The following DOCK5 variants were observed in gnomAD, a reference collection of about 807,000 sequenced individuals.
The protein encoded by DOCK5 is dedicator of cytokinesis protein 5.
A neutral mutation model predicts 251.8 loss-of-function variants in DOCK5; 142 were observed. That is an observed-to-expected ratio of 0.56 (90% confidence interval 0.49 to 0.65). The LOEUF (loss-of-function observed/expected upper bound fraction) is 0.65. Among genes scored for constraint, DOCK5 ranks in the 30% least tolerant of loss-of-function variants. The probability of loss-of-function intolerance (pLI) is 0.00; values close to 1 mark genes in which losing one functional copy is unlikely to be tolerated. For missense variants in DOCK5, 2,111 were observed against 2,312.3 expected, an observed-to-expected ratio of 0.91 and a Z score of 1.79; for synonymous variants, 842 against 835.5, an observed-to-expected ratio of 1.01 and a Z score of -0.13.
chr8:25,199,804 G>A (rs935441933), intron 1 of DOCK5, among the ~76,000 whole-genome samples: 17 of 151,938 alleles, frequency 1.1e-4, no homozygotes, highest in Admixed American at 9.8e-4. Context: ...CCTGAAATGG[G>A]GCAATATCTA....
intron 13 of DOCK5, 125 bp downstream of exon 13, chr8:25,310,657 G>A: frequency 8.7e-7 from 1 of 1,153,894 alleles, no homozygotes; most frequent in Non-Finnish European, 1.2e-6. Flanking sequence ...TGAGACACCT[G>A]GGACACAAAC....
intron 3 of DOCK5, among the ~76,000 whole-genome samples, chr8:25,272,772 CATT>C (rs1289692621): frequency 2.0e-5 from 3 of 152,144 alleles, no homozygotes; most frequent in African/African-American, 7.2e-5. Flanking sequence ...AGTACATTCT[CATT>C]GTTGTGCAAC....
chr8:25,314,628 C>T (rs1434083064), intron 13 of DOCK5, among the ~76,000 whole-genome samples: 3 of 140,010 alleles, frequency 2.1e-5, no homozygotes, highest in Non-Finnish European at 4.6e-5. Context: ...CCCATCCAAC[C>T]GTCCACCTAT....
Position 25,380,304 on chromosome 8 carries a change from G to A in DOCK5, c.3937-1G>A. ...TTAACCTTACTTTCCTTTTTCTGAA[G>A]ATGTGGGAGAAGGCCATCAAGCTGA... is the stretch of plus-strand genomic sequence containing the variant. On this transcript the variant is annotated splice_acceptor_variant, in intron 38 of 51. Transcript: ENST00000276440. LOFTEE classifies it high-confidence loss of function. 1 of 1,609,368 alleles carries A rather than the reference G, an allele frequency of 6.2e-7. No homozygotes were observed. Among genetic ancestry groups the A allele is most frequent in the Non-Finnish European group, 8.5e-7 (1 of 1,177,700 alleles).
chr8:25,276,138 G>T (rs1804039303), intron 4 of DOCK5, among the ~76,000 whole-genome samples: 2 of 152,128 alleles, frequency 1.3e-5, no homozygotes, highest in Admixed American at 1.3e-4. Flanking sequence ...CCCAATTCAG[G>T]ATCCTTGAGA....
chr8:25,220,532 C>G (rs1802357632), intron 1 of DOCK5, among the ~76,000 whole-genome samples: 1 of 144,410 alleles, frequency 6.9e-6, no homozygotes, highest in Non-Finnish European at 1.5e-5. Flanking sequence ...GGGGTCACAG[C>G]ACGTTTCATG....
At chr8:25,188,268 C>T (rs910896366) in intron 1 of DOCK5, among the ~76,000 whole-genome samples, 10 of 152,196 alleles carry the variant, frequency 6.6e-5, no homozygotes, top group Non-Finnish European at 1.5e-4. Flanking sequence ...GCTGAGAAAA[C>T]AAGGAAGCAT....
At chr8:25,277,663 C>T (rs1332790334) in intron 4 of DOCK5, among the ~76,000 whole-genome samples, 30 of 152,188 alleles carry the variant, frequency 2.0e-4, no homozygotes, top group Admixed American at 2.0e-3. Context: ...TCCACTGCCA[C>T]CCACCATGTT....
chr8:25,205,232 TC>T, intron 1 of DOCK5, among the ~76,000 whole-genome samples: 1 of 152,094 alleles, frequency 6.6e-6, no homozygotes, highest in South Asian at 2.1e-4. Context: ...TCCCTCTCTC[TC>T]GCTCTTGCTG....
At chr8:25,314,744 T>TCCAG (rs1269677093) in intron 13 of DOCK5, among the ~76,000 whole-genome samples, 1 of 47,102 alleles carries the variant, frequency 2.1e-5, no homozygotes, top group Non-Finnish European at 4.2e-5. Context: ...CATCCCTCCC[T>TCCAG]CCACCCACCC....
chr8:25,396,541 C>T (rs116738184), intron 45 of DOCK5, among the ~76,000 whole-genome samples: 3,786 of 152,298 alleles, frequency 0.025, 178 homozygotes, highest in African/African-American at 0.086. Context: ...ATTTAAAATA[C>T]ACATCATGCA....
chr8:25,349,432 G>A lies in DOCK5; in HGVS notation c.2755-2299G>A, dbSNP rs561711129. ...TCCACTCCTGGGCATCTACCCAAAG[G>A]AAAATAAGTCATTATATGAAAAAGA... is the stretch of plus-strand genomic sequence containing the variant. On this transcript the variant is annotated intron_variant, in intron 26 of 51. Transcript: ENST00000276440. Among the ~76,000 whole-genome samples, 14 of 152,254 alleles carry A rather than the reference G, an allele frequency of 9.2e-5. No homozygotes were observed. The South Asian group carries it at 2.9e-3, about 32-fold the overall frequency.
rs563848224 is a variant in DOCK5 at position 25,345,177 on chromosome 8, C to T, written c.2618-298C>T. On this transcript the variant is annotated intron_variant, in intron 25 of 51. Coordinates refer to ENST00000276440, the MANE Select transcript of DOCK5 (RefSeq NM_024940.8). ...CCCTCAATTTCGTGCATTAGGTTGGCGTTTTGAAAAGCTAGAGAAATTGTT... is the reference window on the plus strand; with the variant it reads ...CCCTCAATTTCGTGCATTAGGTTGGTGTTTTGAAAAGCTAGAGAAATTGTT... Among the ~76,000 whole-genome samples, 49 of 151,606 alleles carry T rather than the reference C, an allele frequency of 3.2e-4. 1 individual carries two copies. Among genetic ancestry groups the T allele is most frequent in the Non-Finnish European group, 5.4e-4 (37 of 67,994 alleles).
chr8:25,214,055 G>A (rs550275555), intron 1 of DOCK5, among the ~76,000 whole-genome samples: 2 of 152,258 alleles, frequency 1.3e-5, no homozygotes, highest in African/African-American at 4.8e-5. Context: ...AGGTAATTTT[G>A]TACAATTATT....
intron 11 of DOCK5, among the ~76,000 whole-genome samples, chr8:25,308,430 C>T (rs896657648): frequency 4.6e-5 from 7 of 152,036 alleles, no homozygotes; most frequent in African/African-American, 1.7e-4. Context: ...CAGAAGTAGA[C>T]CTGGGGGCTC....
intron 37 of DOCK5, chr8:25,376,768 G>A (rs1307465332): frequency 1.3e-5 from 2 of 152,196 alleles, no homozygotes; most frequent in Admixed American, 6.5e-5. Context: ...TTCACTCTTA[G>A]AAATGTTCTT....
At position 25,369,536 on chromosome 8, in the gene DOCK5, A is replaced by G. The variant is rs748091980; in HGVS notation, c.3439-20A>G. 2 of 1,594,984 alleles carry G rather than the reference A, an allele frequency of 1.3e-6. No individual in the cohort carries two copies. The highest frequency in any genetic ancestry group is 3.5e-5 in the Admixed American group (2 of 57,128). ...CTAAGGATGCAACATTATCCTGTGA[A>G]ATTCTGCCTCTACTTTCAGTTTGAG... On this transcript the variant is annotated intron_variant, in intron 33 of 51. Transcript: ENST00000276440.
At chr8:25,282,442 G>T (rs1226911282) in intron 5 of DOCK5, among the ~76,000 whole-genome samples, 1 of 152,070 alleles carries the variant, frequency 6.6e-6, no homozygotes, top group Non-Finnish European at 1.5e-5. Context: ...TTCTGATTCT[G>T]TAAGTTCCTT....
chr8:25,289,540 C>G (rs1437291636), intron 5 of DOCK5, among the ~76,000 whole-genome samples: 2 of 151,476 alleles, frequency 1.3e-5, no homozygotes, highest in Non-Finnish European at 2.9e-5. Flanking sequence ...TGACTTTCAA[C>G]TATAAAGAAG....
Sources: gnomAD v4.1 joint callset for allele counts (sites outside exome capture counted in the v4.1 genomes callset) on GRCh38, gnomAD v4.1.1 for gene constraint, MANE v1.5 for transcripts, NCBI Gene and HGNC (gene_info 2026-07-23, HGNC 2026-07-21) for gene names.